The following ADAM29 variants were observed in gnomAD, a reference collection of about 807,000 sequenced individuals.
ADAM29 encodes disintegrin and metalloproteinase domain-containing protein 29.
For missense variants in ADAM29, 969 were observed against 1,001.8 expected (o/e 0.97, Z 0.44); for synonymous variants, 367 against 342.3 (o/e 1.07, Z -0.80).
chr4:174,940,887 T>C (rs887682067), intron 4 of ADAM29, among the ~76,000 whole-genome samples: 2 of 152,192 alleles, frequency 1.3e-5, no homozygotes, highest in South Asian at 2.1e-4. Context: ...GTCAAGCCTT[T>C]TAGCATGGTG....
rs1334769200 is a variant in ADAM29 at position 174,959,860 on chromosome 4, T to C, written c.-180-15486T>C. Reference sequence around the variant, plus strand: ...TTTTTACTTTTTCTTAATGTAGCCATGTCAATGTGTCCTGAAGTAGTTGGT... The same window carrying C: ...TTTTTACTTTTTCTTAATGTAGCCACGTCAATGTGTCCTGAAGTAGTTGGT... On this transcript the variant is annotated intron_variant, in intron 4 of 4. Transcript: ENST00000359240. Among the ~76,000 whole-genome samples the C allele has an allele frequency of 2.6e-5, 4 of 152,058 alleles. 1 individual carries two copies. In the East Asian group the frequency reaches 7.7e-4, roughly 29 times the overall value.
At position 174,976,512 on chromosome 4, in the gene ADAM29, AG is replaced by A. The variant is rs774858307; in HGVS notation, c.988del (p.Val330TrpfsTer5). On this transcript the variant is annotated frameshift_variant, in exon 5 of 5. Coordinates refer to ENST00000359240, the MANE Select transcript of ADAM29 (RefSeq NM_014269.4). LOFTEE classifies it low-confidence loss of function (END_TRUNC). ...AAACTTTGGGCACTTTTTCAATTGCAGTGGCTCATCATCTAGGTCATAATTT... is the reference window on the plus strand; with the variant it reads ...AAACTTTGGGCACTTTTTCAATTGCATGGCTCATCATCTAGGTCATAATTT... ...NKTLGTFSIA[V>X]AHHLGHNLGM... 6.2e-7 allele frequency: 1 copy of A among 1,611,216 alleles called. No homozygotes were observed. Among genetic ancestry groups the A allele is most frequent in the East Asian group, 2.2e-5 (1 of 44,874 alleles).
rs1382634649 is a variant in ADAM29 at position 174,976,521 on chromosome 4, T to C, written c.996T>C (p.His332=). Residue 332 remains histidine, a synonymous_variant, in exon 5 of 5, where the codon CAT becomes CAC. Transcript: ENST00000359240. ...TLGTFSIAVA[H]HLGHNLGMNH... ...GCACTTTTTCAATTGCAGTGGCTCA[T>C]CATCTAGGTCATAATTTGGGCATGA... The C allele has an allele frequency of 6.8e-6, 11 of 1,608,442 alleles. No homozygotes were observed. The highest frequency in any genetic ancestry group is 9.3e-6 in the Non-Finnish European group (11 of 1,177,720).
At chr4:174,947,271 T>C (rs919202030) in intron 4 of ADAM29, among the ~76,000 whole-genome samples, 3 of 152,110 alleles carry the variant, frequency 2.0e-5, no homozygotes, top group African/African-American at 7.2e-5. Flanking sequence ...TGATTTTTAT[T>C]ATTTCTTGTC....
rs533581763 is a variant in ADAM29, at chr4:174,976,843, G to T, written c.1318G>T (p.Gly440Trp). ...TLTDGSTCAF[G>W]LCCKDCKFLP... is the part of the protein sequence containing the mutation. The stretch of plus-strand genomic sequence containing the variant: ...GACTGATGGTTCTACTTGTGCTTTT[G>T]GGCTTTGTTGCAAAGACTGCAAGTT... The change falls in exon 5 of 5, where the codon GGG (glycine) becomes TGG (tryptophan). Residue 440 changes from glycine to tryptophan, a missense_variant. Transcript: ENST00000359240. The T allele has an allele frequency of 6.2e-7, 1 of 1,614,108 alleles. No individual in the cohort carries two copies. Among genetic ancestry groups the T allele is most frequent in the Admixed American group, 1.7e-5 (1 of 60,006 alleles).
chr4:174,952,399 A>G (rs986004540), intron 4 of ADAM29, among the ~76,000 whole-genome samples: 1 of 151,986 alleles, frequency 6.6e-6, no homozygotes, highest in Non-Finnish European at 1.5e-5. Flanking sequence ...ACAGCAGTTT[A>G]AAATGGGTGA....
intron 4 of ADAM29, among the ~76,000 whole-genome samples, chr4:174,952,367 C>CAT (rs1472270496): frequency 6.6e-6 from 1 of 151,872 alleles, no homozygotes; most frequent in African/African-American, 2.4e-5. Flanking sequence ...CACACACACA[C>CAT]ACACACACAC....
At chr4:174,959,485 T>G (rs201487123) in intron 4 of ADAM29, among the ~76,000 whole-genome samples, 44 of 126,584 alleles carry the variant, frequency 3.5e-4, no homozygotes, top group African/African-American at 1.0e-3. Flanking sequence ...GTGTGTGTGT[T>G]TGTGTGTTTG....
chr4:174,965,772 A>G (rs1233707996), intron 4 of ADAM29, among the ~76,000 whole-genome samples: 3 of 152,002 alleles, frequency 2.0e-5, no homozygotes, highest in Non-Finnish European at 4.4e-5. Flanking sequence ...AAAGGCATGA[A>G]TCTCATCATG....
chr4:174,978,068 A>C lies in ADAM29; in HGVS notation c.*80A>C, dbSNP rs1309340859. On this transcript the variant is annotated 3_prime_UTR_variant, in exon 5 of 5. Transcript: ENST00000359240. ...AGCCAACCTCGGGTGACACCCTCCC[A>C]GAGTCAACCTCATGTGACACCTTAC... 2 of 1,577,210 alleles carry C rather than the reference A, an allele frequency of 1.3e-6. No homozygotes were observed. Among genetic ancestry groups the C allele is most frequent in the Non-Finnish European group, 8.6e-7 (1 of 1,157,840 alleles).
At position 174,976,621 on chromosome 4, in the gene ADAM29, T is replaced by A. The variant is rs757891189; in HGVS notation, c.1096T>A (p.Phe366Ile). ...MHEGNPPITK[F>I]SNCSYGDFWE... ...TGAAGGCAACCCACCAATAACTAAATTTAGCAATTGTAGTTATGGTGATTT... is the reference window on the plus strand; with the variant it reads ...TGAAGGCAACCCACCAATAACTAAAATTAGCAATTGTAGTTATGGTGATTT... The change falls in exon 5 of 5, where the codon TTT becomes ATT. Residue 366 changes from phenylalanine (F) to isoleucine (I), a missense_variant. Transcript: ENST00000359240. 2.4e-5 allele frequency: 39 copies of A among 1,611,256 alleles called. No homozygotes were observed. Among genetic ancestry groups the A allele is most frequent in the Non-Finnish European group, 3.2e-5 (38 of 1,178,686 alleles).
At chr4:174,952,046 G>A (rs1745207166) in intron 4 of ADAM29, among the ~76,000 whole-genome samples, 1 of 152,100 alleles carries the variant, frequency 6.6e-6, no homozygotes, top group Admixed American at 6.6e-5. Context: ...TGATAAGTAT[G>A]TGAGGTAATG....
At chr4:174,966,121 G>C (rs1241466709) in intron 4 of ADAM29, among the ~76,000 whole-genome samples, 1 of 152,164 alleles carries the variant, frequency 6.6e-6, no homozygotes, top group Non-Finnish European at 1.5e-5. Flanking sequence ...CTAACACAAT[G>C]TAAGTGCTGT....
rs73871825 is a variant in ADAM29 at position 174,939,746 on chromosome 4, A to G, written c.-181+2733A>G. ...GGCAGATCAGATTTCACAAGGATGG[A>G]TTATCCAAATAAAAGACACAATACA... On this transcript the variant is annotated intron_variant, in intron 4 of 4. Transcript: ENST00000359240. 9.6e-3 allele frequency among the ~76,000 whole-genome samples: 1,456 copies of G among 152,292 alleles called. 15 individuals carry two copies. Among genetic ancestry groups the G allele is most frequent in the African/African-American group, 0.033 (1,373 of 41,570 alleles).
intron 4 of ADAM29, among the ~76,000 whole-genome samples, chr4:174,937,307 T>C (rs1744258181): frequency 6.6e-6 from 1 of 152,062 alleles, no homozygotes; most frequent in Non-Finnish European, 1.5e-5. Context: ...GATGATGTAT[T>C]CATTTATAAA....
rs1046386428 is a variant in ADAM29, at chr4:174,975,798, G to A, written c.273G>A (p.Glu91=). The A allele has an allele frequency of 9.9e-6, 16 of 1,614,140 alleles. No individual in the cohort carries two copies. Among genetic ancestry groups the A allele is most frequent in the Non-Finnish European group, 1.1e-5 (13 of 1,180,022 alleles). Residue 91 remains glutamate (E), a synonymous_variant, in exon 5 of 5, where the codon GAG becomes GAA. Transcript: ENST00000359240. ...ACACAGACCAGGGTGCTATCCTTGAGGACCAGCCATTTGTCCAGAATAACT... is the reference window on the plus strand; with the variant it reads ...ACACAGACCAGGGTGCTATCCTTGAAGACCAGCCATTTGTCCAGAATAACT... ...FTYTDQGAIL[E]DQPFVQNNCY...
chr4:174,940,850 T>C (rs1173220683), intron 4 of ADAM29, among the ~76,000 whole-genome samples: 1 of 152,244 alleles, frequency 6.6e-6, no homozygotes, highest in African/African-American at 2.4e-5. Context: ...AAAATGATTA[T>C]GCATTCATAA....
chr4:174,949,193 G>T (rs1386643259), intron 4 of ADAM29, among the ~76,000 whole-genome samples: 1 of 152,090 alleles, frequency 6.6e-6, no homozygotes, highest in Non-Finnish European at 1.5e-5. Context: ...GGGGCACTCA[G>T]TCATGCCCTC....
chr4:174,920,499 G>T (rs565611703), intron 1 of ADAM29, among the ~76,000 whole-genome samples, 188 bp from the exon 2 acceptor site: 4 of 152,082 alleles, frequency 2.6e-5, no homozygotes, highest in South Asian at 4.2e-4. Context: ...ATTAAAACAC[G>T]CTAATAAATT....
Sources: gnomAD v4.1 joint callset for allele counts (sites outside exome capture counted in the v4.1 genomes callset) on GRCh38, gnomAD v4.1.1 for gene constraint, MANE v1.5 for transcripts, NCBI Gene and HGNC (gene_info 2026-07-23, HGNC 2026-07-21) for gene names.